Variants in CHRM3 observed in about 807,000 individuals in gnomAD.
CHRM3 encodes muscarinic acetylcholine receptor M3.
Under a neutral mutation model 41.8 loss-of-function variants are expected in CHRM3, and 11 were observed. The ratio of observed to expected loss-of-function variants is 0.26; its 90% CI spans 0.17 to 0.44. The LOEUF (loss-of-function observed/expected upper bound fraction) is 0.44, where lower values mean the gene tolerates loss of function less well. CHRM3 is among the 20% of genes least tolerant of loss of function. The probability of loss-of-function intolerance (pLI) is 1.00; values close to 1 mark genes in which losing one functional copy is unlikely to be tolerated. For missense variants in CHRM3, 571 were observed against 745.4 expected, an observed-to-expected ratio of 0.77 and a Z score of 2.72; for synonymous variants, 297 against 301.4, an observed-to-expected ratio of 0.99 and a Z score of 0.15.
intron 5 of CHRM3, among the ~76,000 whole-genome samples, chr1:239,783,193 A>G (rs564775426): frequency 1.4e-4 from 21 of 152,112 alleles, no homozygotes; most frequent in African/African-American, 4.3e-4. Context: ...GTAGATGTCA[A>G]AGTCTCCAGC....
At position 239,397,749 on chromosome 1, in the gene CHRM3, A is replaced by C. The variant is rs924689788; in HGVS notation, c.-521+10522A>C. Among the ~76,000 whole-genome samples the C allele has an allele frequency of 1.2e-4, 17 of 147,462 alleles. No homozygotes were observed. The South Asian group carries it at 2.5e-3, about 22-fold the overall frequency. On this transcript the variant is annotated intron_variant, in intron 1 of 6. Coordinates refer to ENST00000676153, the MANE Select transcript of CHRM3 (RefSeq NM_001375978.1). ...ATATATATTCTATAAAAATATATCT[A>C]TATATATTTCTATATATATATAGAA...
At chr1:239,707,946 A>G (rs1440974907) in intron 5 of CHRM3, among the ~76,000 whole-genome samples, 1 of 152,202 alleles carries the variant, frequency 6.6e-6, no homozygotes, top group East Asian at 1.9e-4. Flanking sequence ...TATGAATACT[A>G]TTTTAACTCT....
chr1:239,532,873 CTA>C, intron 2 of CHRM3, among the ~76,000 whole-genome samples: 1 of 152,108 alleles, frequency 6.6e-6, no homozygotes, highest in Non-Finnish European at 1.5e-5. Flanking sequence ...AAAATATTAT[CTA>C]TGTCTTTAAG....
chr1:239,861,671 ATT>A (rs1305512298), intron 6 of CHRM3, among the ~76,000 whole-genome samples: 1 of 151,990 alleles, frequency 6.6e-6, no homozygotes, highest in East Asian at 1.9e-4. Flanking sequence ...CTCGTTCGTT[ATT>A]TTTTCGTAGA....
chr1:239,838,742 T>C (rs1673538954), intron 6 of CHRM3, among the ~76,000 whole-genome samples: 1 of 152,170 alleles, frequency 6.6e-6, no homozygotes, highest in Non-Finnish European at 1.5e-5. Flanking sequence ...ATAGTTCTCA[T>C]TGTACTACCA....
chr1:239,877,682 T>C (rs1178930186), intron 6 of CHRM3, among the ~76,000 whole-genome samples: 1 of 152,044 alleles, frequency 6.6e-6, no homozygotes, highest in Non-Finnish European at 1.5e-5. Context: ...CAAACCCAGG[T>C]GTCAATGGGC....
rs184639632 is a variant in CHRM3 at position 239,570,997 on chromosome 1, A to G, written c.-313+25248A>G. 2.6e-3 allele frequency among the ~76,000 whole-genome samples: 395 copies of G among 152,306 alleles called. 3 individuals are homozygous for G. Among genetic ancestry groups the G allele is most frequent in the African/African-American group, 9.3e-3 (387 of 41,576 alleles). ...GAGGAACAGGTGCTGGATTAAACAC[A>G]GGCTTACATGTAAGTCTGCAGAGTG... On this transcript the variant is annotated intron_variant, in intron 3 of 6. Transcript: ENST00000676153.
intron 5 of CHRM3, among the ~76,000 whole-genome samples, chr1:239,696,631 T>A (rs375299558): frequency 2.0e-5 from 3 of 152,190 alleles, no homozygotes; most frequent in African/African-American, 7.2e-5. Context: ...AAATAATTAA[T>A]ATTATCTCCT....
intron 6 of CHRM3, among the ~76,000 whole-genome samples, chr1:239,871,939 G>A (rs1283389416): frequency 6.6e-6 from 1 of 152,162 alleles, no homozygotes; most frequent in African/African-American, 2.4e-5. Context: ...TTTACACACA[G>A]CCTCTCTACT....
chr1:239,690,986 C>A (rs747144468), intron 5 of CHRM3, among the ~76,000 whole-genome samples: 1 of 152,014 alleles, frequency 6.6e-6, no homozygotes, highest in African/African-American at 2.4e-5. Context: ...ACAGCAGATA[C>A]CTTTGGTTAG....
At chr1:239,565,156 C>T (rs963906267) in intron 3 of CHRM3, among the ~76,000 whole-genome samples, 5 of 152,132 alleles carry the variant, frequency 3.3e-5, no homozygotes, top group Admixed American at 6.5e-5. Flanking sequence ...TTGGATAATT[C>T]GGGATAATCT....
intron 4 of CHRM3, among the ~76,000 whole-genome samples, chr1:239,641,597 T>G (rs1671159798): frequency 6.8e-6 from 1 of 147,536 alleles, no homozygotes; most frequent in Admixed American, 6.8e-5. Flanking sequence ...CCCCTGCCTT[T>G]TTTTGTTTTC....
At chr1:239,398,244 T>C (rs1331557953) in intron 1 of CHRM3, among the ~76,000 whole-genome samples, 1 of 152,160 alleles carries the variant, frequency 6.6e-6, no homozygotes, top group African/African-American at 2.4e-5. Context: ...TAATGTATTT[T>C]TTTCTTTTTG....
chr1:239,852,394 G>C (rs536055442), intron 6 of CHRM3, among the ~76,000 whole-genome samples: 2 of 152,058 alleles, frequency 1.3e-5, no homozygotes, highest in South Asian at 4.1e-4. Context: ...CAATATAATG[G>C]TCATGATGAC....
intron 4 of CHRM3, among the ~76,000 whole-genome samples, chr1:239,664,833 G>A (rs1280869378): frequency 6.6e-6 from 1 of 152,172 alleles, no homozygotes; most frequent in Non-Finnish European, 1.5e-5. Context: ...TGGCTTCTCA[G>A]TGTACTTCTT....
chr1:239,541,787 A>G (rs1475494689), intron 2 of CHRM3, among the ~76,000 whole-genome samples: 1 of 152,224 alleles, frequency 6.6e-6, no homozygotes, highest in East Asian at 1.9e-4. Flanking sequence ...TGTTGGGATT[A>G]CAGGCATGAG....
chr1:239,601,733 C>G (rs1226250497), intron 3 of CHRM3, among the ~76,000 whole-genome samples: 1 of 152,212 alleles, frequency 6.6e-6, no homozygotes, highest in Non-Finnish European at 1.5e-5. Context: ...AATGGTGGCT[C>G]TTGCTCTGCT....
At chr1:239,497,645 G>A (rs2148111569) in intron 2 of CHRM3, among the ~76,000 whole-genome samples, 1 of 152,316 alleles carries the variant, frequency 6.6e-6, no homozygotes, top group Non-Finnish European at 1.5e-5. Flanking sequence ...CTATTTCACA[G>A]AGGTGATAAA....
chr1:239,594,492 A>G (rs1402800258), intron 3 of CHRM3, among the ~76,000 whole-genome samples: 1 of 152,192 alleles, frequency 6.6e-6, no homozygotes, highest in Admixed American at 6.5e-5. Flanking sequence ...AAACCTGTGA[A>G]TTTGTTGTCA....
Sources: allele counts gnomAD v4.1 joint callset (sites outside exome capture counted in the v4.1 genomes callset), GRCh38; gene constraint gnomAD v4.1.1; transcripts MANE v1.5; gene names NCBI Gene and HGNC (gene_info 2026-07-23, HGNC 2026-07-21).